Variants in CRADD observed in about 807,000 individuals in gnomAD.
CRADD encodes death domain-containing protein CRADD.
CRADD carries 9 observed loss-of-function variants against 15.5 expected under a neutral mutation model. The observed-to-expected ratio is 0.58, with a 90% CI of 0.35 to 1.01. The LOEUF (loss-of-function observed/expected upper bound fraction) is 1.01, where lower values mean the gene tolerates loss of function less well. Ranked by LOEUF, CRADD falls within the 50% of genes least tolerant of loss-of-function variation. The pLI is 0.02. For missense variants in CRADD, 227 were observed against 250.3 expected, an observed-to-expected ratio of 0.91 and a Z score of 0.63; for synonymous variants, 118 against 107.6, an observed-to-expected ratio of 1.10 and a Z score of -0.60.
At chr12:93,765,006 A>AT (rs34982552) in intron 2 of CRADD, among the ~76,000 whole-genome samples, 10,697 of 147,844 alleles carry the variant, frequency 0.072, 899 homozygotes, top group African/African-American at 0.18. Context: ...GAAACTCTGA[A>AT]TTTTTTTTTT....
intron 2 of CRADD, among the ~76,000 whole-genome samples, chr12:93,869,840 G>A (rs1180022398): frequency 1.3e-5 from 2 of 152,108 alleles, no homozygotes; most frequent in African/African-American, 4.8e-5. Context: ...GTGTTATTCA[G>A]GAGAAAAGAG....
intron 2 of CRADD, among the ~76,000 whole-genome samples, chr12:93,886,810 A>C (rs1790548814): frequency 6.6e-6 from 1 of 152,156 alleles, no homozygotes; most frequent in Admixed American, 6.5e-5. Flanking sequence ...GTGGAGATTT[A>C]TTATCATAGA....
At chr12:93,879,746 G>A (rs571354027) in intron 2 of CRADD, among the ~76,000 whole-genome samples, 1 of 152,266 alleles carries the variant, frequency 6.6e-6, no homozygotes, top group South Asian at 2.1e-4. Flanking sequence ...CTTATTCTAA[G>A]GGTCTCCCGC....
At chr12:93,698,092 A>G (rs907221610) in intron 2 of CRADD, among the ~76,000 whole-genome samples, 16 of 152,154 alleles carry the variant, frequency 1.1e-4, no homozygotes, top group Non-Finnish European at 8.8e-5. Flanking sequence ...AGGGTTTACA[A>G]CCTGCTTTAA....
intron 2 of CRADD, among the ~76,000 whole-genome samples, chr12:93,825,348 A>G (rs1957812235): frequency 6.6e-6 from 1 of 152,214 alleles, no homozygotes; most frequent in African/African-American, 2.4e-5. Flanking sequence ...GTCACTTACT[A>G]GTCTGAGTGA....
intron 2 of CRADD, among the ~76,000 whole-genome samples, chr12:93,777,849 C>G (rs1957156882): frequency 6.6e-6 from 1 of 152,148 alleles, no homozygotes; most frequent in Admixed American, 6.5e-5. Flanking sequence ...TCTCATTCCC[C>G]ATCATCGTGG....
intron 2 of CRADD, among the ~76,000 whole-genome samples, chr12:93,885,850 C>T (rs1958532951): frequency 2.0e-5 from 3 of 151,902 alleles, no homozygotes; most frequent in Admixed American, 2.0e-4. Flanking sequence ...ACCAGCCTGG[C>T]CAACATGGCA....
intron 2 of CRADD, among the ~76,000 whole-genome samples, chr12:93,679,279 A>T (rs1955232337): frequency 6.6e-6 from 1 of 152,112 alleles, no homozygotes; most frequent in Non-Finnish European, 1.5e-5. Flanking sequence ...GTTGCTGGGA[A>T]TACAGGCATT....
intron 2 of CRADD, 53 bp downstream of exon 2, chr12:93,679,125 T>C: frequency 7.1e-7 from 1 of 1,410,092 alleles, no homozygotes; most frequent in East Asian, 2.3e-5. Flanking sequence ...GTAACTATGC[T>C]CTTTGCTTTT....
At chr12:93,755,619 C>T (rs777302710) in intron 2 of CRADD, among the ~76,000 whole-genome samples, 4 of 152,158 alleles carry the variant, frequency 2.6e-5, no homozygotes, top group Non-Finnish European at 5.9e-5. Context: ...ACAGGCGTAC[C>T]TCCTTTAGGT....
At chr12:93,850,862 A>C (rs1310994556), downstream of CRADD, 1 of 441,232 alleles carries the variant, frequency 2.3e-6, no homozygotes, top group Non-Finnish European at 3.0e-6. This position sits in a 1 kb window ranked among gnomAD's most constrained non-coding sequence, Gnocchi z 4.0. Context: ...AATTAATAGT[A>C]ACAGTGAAAT....
At chr12:93,721,446 C>T (rs1484092342) in intron 2 of CRADD, among the ~76,000 whole-genome samples, 1 of 151,238 alleles carries the variant, frequency 6.6e-6, no homozygotes, top group Non-Finnish European at 1.5e-5. Context: ...TATGCACATA[C>T]ACAAACACAC....
chr12:93,776,318 T>C (rs1695044576), intron 2 of CRADD, among the ~76,000 whole-genome samples: 1 of 152,226 alleles, frequency 6.6e-6, no homozygotes, highest in South Asian at 2.1e-4. Flanking sequence ...ATCTGCAAAC[T>C]TGTAAAGGGG....
chr12:93,825,339 T>A (rs1219741761), intron 2 of CRADD, among the ~76,000 whole-genome samples: 1 of 152,228 alleles, frequency 6.6e-6, no homozygotes, highest in Non-Finnish European at 1.5e-5. Flanking sequence ...ACAGGCTCTG[T>A]CACTTACTAG....
intron 2 of CRADD, among the ~76,000 whole-genome samples, chr12:93,789,979 G>T (rs1013327811): frequency 6.6e-6 from 1 of 152,148 alleles, no homozygotes; most frequent in Non-Finnish European, 1.5e-5. Context: ...GAACTCTAAA[G>T]GTAGTAGTTG....
At chr12:93,842,760 T>C (rs1311283418) in intron 2 of CRADD, among the ~76,000 whole-genome samples, 1 of 131,948 alleles carries the variant, frequency 7.6e-6, no homozygotes, top group East Asian at 2.3e-4. Context: ...TTCATTCACG[T>C]AGTGACCACA....
chr12:93,893,960 G>A, intron 2 of CRADD: 1 of 697,052 alleles, frequency 1.4e-6, no homozygotes, highest in Non-Finnish European at 2.6e-6. Context: ...TTGACCTAGA[G>A]CTTAAATACA....
At chr12:93,813,679 A>G (rs1957654285) in intron 2 of CRADD, among the ~76,000 whole-genome samples, 1 of 152,112 alleles carries the variant, frequency 6.6e-6, no homozygotes, top group African/African-American at 2.4e-5. Flanking sequence ...TCCAAGTCCC[A>G]GCAACAAGGG....
At position 93,850,734 on chromosome 12, in the gene CRADD, T is replaced by C. The variant is rs1189522827; in HGVS notation, c.*463T>C. The C allele has an allele frequency of 3.1e-5, 31 of 984,602 alleles. No homozygotes were observed. The highest frequency in any genetic ancestry group is 3.6e-5 in the Non-Finnish European group (30 of 829,330). The allele number at this position is 984,602 out of a possible 1,614,324, so 61.0% of individuals were successfully genotyped here. ...ATAATAAAATGCGAATTACTATATA[T>C]AATGTGCCTCACTCATGAGAAAGTA... On this transcript the variant is annotated 3_prime_UTR_variant, in exon 3 of 3. Transcript: ENST00000332896. This position sits in a 1 kb window ranked among gnomAD's most constrained non-coding sequence, Gnocchi z 4.0.
Sources: gnomAD v4.1 joint callset for allele counts (sites outside exome capture counted in the v4.1 genomes callset) on GRCh38, gnomAD v4.1.1 for gene constraint, Gnocchi (gnomAD v3.1) non-coding constraint, MANE v1.5 for transcripts, NCBI Gene and HGNC (gene_info 2026-07-23, HGNC 2026-07-21) for gene names.